Variants in CFAP61 observed in about 807,000 individuals in gnomAD.
CFAP61 encodes the protein cilia and flagella associated protein 61, also known as cilia- and flagella-associated protein 61.
Under a neutral mutation model 135.6 loss-of-function variants are expected in CFAP61, and 107 were observed. The ratio of observed to expected loss-of-function variants is 0.79; its 90% CI spans 0.67 to 0.93. CFAP61 has a LOEUF of 0.93. Ranked by LOEUF, CFAP61 falls within the 40% of genes least tolerant of loss-of-function variation. CFAP61 has a pLI of 0.00. For synonymous variants in CFAP61, 575 were observed against 578.5 expected (o/e 0.99, Z 0.09); for missense variants, 1,507 against 1,556.2 (o/e 0.97, Z 0.53).
At chr20:20,334,107 C>T (rs1415669833) in intron 25 of CFAP61, among the ~76,000 whole-genome samples, 1 of 152,152 alleles carries the variant, frequency 6.6e-6, no homozygotes, top group East Asian at 1.9e-4. Context: ...GTGGGAGGCA[C>T]CTAGTTTTAA....
chr20:20,185,381 G>A (rs999817921), intron 13 of CFAP61, among the ~76,000 whole-genome samples: 3 of 152,210 alleles, frequency 2.0e-5, no homozygotes, highest in African/African-American at 4.8e-5. Context: ...AGCAACCCAG[G>A]AGAGAGGTGG....
intron 19 of CFAP61, among the ~76,000 whole-genome samples, chr20:20,250,793 CTG>C (rs1235674857): frequency 6.6e-6 from 1 of 152,192 alleles, no homozygotes; most frequent in Non-Finnish European, 1.5e-5. Context: ...CCTCACAAAA[CTG>C]TTTAAATAAA....
At chr20:20,277,649 C>T (rs1569231867) in intron 22 of CFAP61, among the ~76,000 whole-genome samples, 191 bp downstream of exon 22, 1 of 152,230 alleles carries the variant, frequency 6.6e-6, no homozygotes, top group Admixed American at 6.5e-5. Flanking sequence ...CAACAACAAC[C>T]GTTTATTATT....
chr20:20,296,175 C>T (rs2055505060), intron 24 of CFAP61, among the ~76,000 whole-genome samples: 1 of 61,090 alleles, frequency 1.6e-5, no homozygotes. Context: ...CCTTCCTTCC[C>T]TCCTTTCCTT....
intron 10 of CFAP61, among the ~76,000 whole-genome samples, 178 bp downstream of exon 10, chr20:20,159,622 C>G (rs1015588795): frequency 5.3e-5 from 8 of 152,178 alleles, no homozygotes; most frequent in African/African-American, 1.9e-4. Flanking sequence ...TACCTCTTCC[C>G]CTGCTGTGAT....
rs1199751560 is a variant in CFAP61, at chr20:20,254,865, C to T, written c.2328+3102C>T. Among the ~76,000 whole-genome samples, 4 of 152,204 alleles carry T rather than the reference C, an allele frequency of 2.6e-5. No individual in the cohort carries two copies. The South Asian group carries it at 6.2e-4, about 24-fold the overall frequency. The stretch of plus-strand genomic sequence containing the variant: ...ATGTTTTTAATATCCAAATGCACAT[C>T]GCTATTTCTTATTACAAAATCCATG... On this transcript the variant is annotated intron_variant, in intron 20 of 26. Transcript: ENST00000245957.
At chr20:20,302,129 T>C (rs2056146425) in intron 25 of CFAP61, among the ~76,000 whole-genome samples, 1 of 152,220 alleles carries the variant, frequency 6.6e-6, no homozygotes. Flanking sequence ...CAAGATGCTT[T>C]ATATTATTTT....
At chr20:20,318,700 G>A (rs2057274293) in intron 25 of CFAP61, among the ~76,000 whole-genome samples, 1 of 152,202 alleles carries the variant, frequency 6.6e-6, no homozygotes, top group Middle Eastern at 3.2e-3. Context: ...CCTGGGGAAG[G>A]ACTCCAAACA....
intron 2 of CFAP61, among the ~76,000 whole-genome samples, chr20:20,067,101 A>G (rs1331192605): frequency 6.6e-6 from 1 of 152,160 alleles, no homozygotes; most frequent in African/African-American, 2.4e-5. Flanking sequence ...CTTAAAAAAA[A>G]AAAAGAAAAT....
chr20:20,287,902 A>C (rs1277374904), intron 22 of CFAP61, among the ~76,000 whole-genome samples: 1 of 152,204 alleles, frequency 6.6e-6, no homozygotes, highest in Non-Finnish European at 1.5e-5. Context: ...TGAGCACAGA[A>C]TGGAGAGGGC....
intron 12 of CFAP61, 21 bp downstream of exon 12, chr20:20,166,457 G>A: frequency 6.3e-7 from 1 of 1,594,446 alleles, no homozygotes; most frequent in Non-Finnish European, 8.6e-7. Context: ...GCTGAATTTT[G>A]AGAACTGATT....
At chr20:20,076,832 C>T (rs2046083110) in intron 6 of CFAP61, among the ~76,000 whole-genome samples, 1 of 152,174 alleles carries the variant, frequency 6.6e-6, no homozygotes, top group South Asian at 2.1e-4. Context: ...GATCTTGGCT[C>T]TCCTGCTCAC....
intron 21 of CFAP61, among the ~76,000 whole-genome samples, chr20:20,271,272 G>A (rs2053320370): frequency 6.6e-6 from 1 of 152,088 alleles, no homozygotes; most frequent in Non-Finnish European, 1.5e-5. Flanking sequence ...TCCAGCCTGA[G>A]TGACAGCAAG....
chr20:20,053,649 G>T (rs1452958542), intron 1 of CFAP61, among the ~76,000 whole-genome samples: 3 of 152,126 alleles, frequency 2.0e-5, no homozygotes, highest in Non-Finnish European at 4.4e-5. Context: ...GATTTATGCA[G>T]ATTTCTAGAA....
intron 8 of CFAP61, among the ~76,000 whole-genome samples, chr20:20,125,641 G>T (rs1377070987): frequency 6.6e-6 from 1 of 151,666 alleles, no homozygotes; most frequent in Non-Finnish European, 1.5e-5. Context: ...GCCTATCATG[G>T]TCTATCTTGG....
chr20:20,110,384 G>T (rs765958993), intron 8 of CFAP61, among the ~76,000 whole-genome samples: 2 of 152,100 alleles, frequency 1.3e-5, no homozygotes, highest in Non-Finnish European at 1.5e-5. Flanking sequence ...CAAACAAGGA[G>T]CAGGGTTGAT....
At chr20:20,166,941 C>A (rs1601116777) in intron 12 of CFAP61, among the ~76,000 whole-genome samples, 2 of 152,244 alleles carry the variant, frequency 1.3e-5, no homozygotes, top group East Asian at 3.9e-4. Context: ...TATCCAAGTA[C>A]AAATAAGATT....
At chr20:20,279,064 G>C (rs1031554338) in intron 22 of CFAP61, among the ~76,000 whole-genome samples, 1 of 152,100 alleles carries the variant, frequency 6.6e-6, no homozygotes, top group Non-Finnish European at 1.5e-5. Context: ...AGATTGCCAC[G>C]TTTATTCTGG....
intron 25 of CFAP61, among the ~76,000 whole-genome samples, chr20:20,340,592 G>T (rs1602096728): frequency 6.6e-6 from 1 of 152,144 alleles, no homozygotes; most frequent in East Asian, 1.9e-4. Flanking sequence ...GCCGGGCAGG[G>T]AGCATGGCCC....
Sources: gnomAD v4.1 joint callset for allele counts (sites outside exome capture counted in the v4.1 genomes callset) on GRCh38, gnomAD v4.1.1 for gene constraint, MANE v1.5 for transcripts, NCBI Gene and HGNC (gene_info 2026-07-23, HGNC 2026-07-21) for gene names.